Variants in UBFD1 observed in about 807,000 individuals in gnomAD.
UBFD1 encodes ubiquitin domain-containing protein UBFD1.
UBFD1 carries 12 observed loss-of-function variants against 35.1 expected under a neutral mutation model. That is an observed-to-expected ratio of 0.34 (90% CI 0.22 to 0.55). UBFD1 has a LOEUF of 0.55. Among genes scored for constraint, UBFD1 ranks in the 20% least tolerant of loss-of-function variants. The probability of loss-of-function intolerance (pLI) is 0.89; values close to 1 mark genes in which losing one functional copy is unlikely to be tolerated. For missense variants in UBFD1, 337 were observed against 410.8 expected, an observed-to-expected ratio of 0.82 and a Z score of 1.55; for synonymous variants, 178 against 167.6, an observed-to-expected ratio of 1.06 and a Z score of -0.48.
intron 3 of UBFD1, among the ~76,000 whole-genome samples, chr16:23,560,080 G>T (rs553064014): frequency 4.3e-4 from 65 of 152,220 alleles, no homozygotes; most frequent in Non-Finnish European, 6.9e-4. Context: ...GCCTGGCTAG[G>T]CATGGAAATC....
chr16:23,563,135 C>T (rs1555506000), intron 5 of UBFD1, among the ~76,000 whole-genome samples: 1 of 151,564 alleles, frequency 6.6e-6, no homozygotes, highest in Non-Finnish European at 1.5e-5. Flanking sequence ...CCTTTGGGGC[C>T]TGCATTCTCA....
chr16:23,569,068 T>C (rs537456361), intron 6 of UBFD1: 1 of 152,324 alleles, frequency 6.6e-6, no homozygotes, highest in South Asian at 2.1e-4. Context: ...TTCATTTCTC[T>C]CGAGTTATTT....
rs1966070229 is a variant in UBFD1 at position 23,570,623 on chromosome 16, C to T, written c.*33C>T. ...TTCACCTCTGGCCCAGGAGACTGACCCAAAGTGAAGGACATTGCCGGGAGA... is the reference window on the plus strand; with the variant it reads ...TTCACCTCTGGCCCAGGAGACTGACTCAAAGTGAAGGACATTGCCGGGAGA... On this transcript the variant is annotated 3_prime_UTR_variant, in exon 7 of 7. Coordinates refer to ENST00000395878, the MANE Select transcript of UBFD1 (RefSeq NM_019116.3). 6.4e-7 allele frequency: 1 copy of T among 1,568,872 alleles called. No homozygotes were observed. Among genetic ancestry groups the T allele is most frequent in the African/African-American group, 1.4e-5 (1 of 73,940 alleles).
At chr16:23,561,334 T>C (rs1037136073) in intron 3 of UBFD1, among the ~76,000 whole-genome samples, 10 of 152,308 alleles carry the variant, frequency 6.6e-5, no homozygotes, top group South Asian at 2.1e-4. Flanking sequence ...TTGATTAAAT[T>C]GTTACCTTCT....
At chr16:23,559,253 C>T (rs528072356) in intron 2 of UBFD1, 17 of 474,164 alleles carry the variant, frequency 3.6e-5, no homozygotes, top group Middle Eastern at 4.4e-4. Context: ...GTCTCTTAAT[C>T]CTTGAAACAG....
rs532397782 is a variant in UBFD1, at chr16:23,559,968, T to C, written c.564+292T>C. 245 of 1,192,532 alleles carry C rather than the reference T, an allele frequency of 2.1e-4. 2 individuals carry two copies. In the South Asian group the frequency reaches 3.8e-3, roughly 18 times the overall value. The allele number at this position is 1,192,532 out of a possible 1,614,324, so 73.9% of individuals were successfully genotyped here. On this transcript the variant is annotated intron_variant, in intron 3 of 6. Coordinates refer to ENST00000395878, the MANE Select transcript of UBFD1 (RefSeq NM_019116.3). ...GAATCAGACGTGGGTTTCTCTCTCT[T>C]ATTTAGTGCCAGAGAAAACTACCAG... is the stretch of plus-strand genomic sequence containing the variant.
intron 6 of UBFD1, 82 bp from the exon 7 acceptor site, chr16:23,570,398 C>A: frequency 1.0e-6 from 1 of 1,004,996 alleles, no homozygotes; most frequent in Non-Finnish European, 1.6e-6. Context: ...TAACTCACAT[C>A]CCAACCCTCA....
chr16:23,564,481 C>A (rs183510112), intron 5 of UBFD1: 12 of 152,348 alleles, frequency 7.9e-5, no homozygotes, highest in Non-Finnish European at 1.3e-4. Context: ...CTAGATCATT[C>A]TCTTCTGTAG....
In UBFD1 at chr16:23,573,848, T is replaced by C. The variant is rs1019455541; in HGVS notation, c.*3258T>C. 3.3e-5 allele frequency: 5 copies of C among 152,418 alleles called. No individual in the cohort carries two copies. Among genetic ancestry groups the C allele is most frequent in the Admixed American group, 2.6e-4 (4 of 15,276 alleles). The allele number at this position is 152,418 out of a possible 1,614,324, so 9.4% of individuals were successfully genotyped here. A position where few individuals can be genotyped will look rare whatever the true frequency, so the allele number is the denominator to read the frequency against. On this transcript the variant is annotated 3_prime_UTR_variant, in exon 7 of 7. Transcript: ENST00000395878. ...GGGCAGAGAAGGGAAAGGGGGTAGA[T>C]TGAGTGTGCCAAGGGCCGTGCAAGG...
intron 6 of UBFD1, 46 bp downstream of exon 6, chr16:23,567,115 T>A: frequency 3.2e-6 from 5 of 1,562,596 alleles, no homozygotes; most frequent in Non-Finnish European, 4.4e-6. Flanking sequence ...AGACTCCCAC[T>A]TCACCTGGCA....
chr16:23,561,805 T>A (rs557371253), intron 3 of UBFD1: 1 of 161,706 alleles, frequency 6.2e-6, no homozygotes, highest in East Asian at 1.7e-4. Context: ...GTTTGATGGT[T>A]TAATCATTTC....
At chr16:23,565,525 G>A (rs933781573) in intron 5 of UBFD1, 1 of 152,180 alleles carries the variant, frequency 6.6e-6, no homozygotes, top group Admixed American at 6.5e-5. Context: ...ATTTCAGGAT[G>A]AAAGGTGTTT....
chr16:23,564,380 T>G (rs980161129), intron 5 of UBFD1: 3 of 152,240 alleles, frequency 2.0e-5, no homozygotes, highest in African/African-American at 7.2e-5. Flanking sequence ...TTTCTTCATT[T>G]CACATTCAAC....
rs549702924 is a variant in UBFD1, at chr16:23,574,229, C to T, written c.*3639C>T. On this transcript the variant is annotated 3_prime_UTR_variant, in exon 7 of 7. Coordinates refer to ENST00000395878, the MANE Select transcript of UBFD1 (RefSeq NM_019116.3). ...GTTTCCTTGTGGTGTATGCTCTGTTCTGGTTTCTGTTTTCAAATCAAATGC... is the reference window on the plus strand; with the variant it reads ...GTTTCCTTGTGGTGTATGCTCTGTTTTGGTTTCTGTTTTCAAATCAAATGC... 1.3e-5 allele frequency: 2 copies of T among 152,206 alleles called. No homozygotes were observed. The highest frequency in any genetic ancestry group is 4.8e-5 in the African/African-American group (2 of 41,360). The allele number at this position is 152,206 out of a possible 1,614,324, so 9.4% of individuals were successfully genotyped here.
chr16:23,563,625 C>T (rs1428911857), intron 5 of UBFD1, among the ~76,000 whole-genome samples: 1 of 152,200 alleles, frequency 6.6e-6, no homozygotes, highest in Non-Finnish European at 1.5e-5. Context: ...TGCTTTTTAT[C>T]CTGGGTACCC....
chr16:23,559,622 G>A lies in UBFD1; in HGVS notation c.510G>A (p.Ala170=), dbSNP rs747994333. ...CAGTAAACACACCCAAAGATGCTGCGCAGCAGGATGCAAAGGCCGAAGAGA... is the reference window on the plus strand; with the variant it reads ...CAGTAAACACACCCAAAGATGCTGCACAGCAGGATGCAAAGGCCGAAGAGA... ...VLAVNTPKDA[A]QQDAKAEENK... The change falls in exon 3 of 7, where the codon GCG becomes GCA. Residue 170 remains alanine (A), a synonymous_variant. Coordinates refer to ENST00000395878, the MANE Select transcript of UBFD1 (RefSeq NM_019116.3). 11 of 1,614,116 alleles carry A rather than the reference G, an allele frequency of 6.8e-6. No individual in the cohort carries two copies. The highest frequency in any genetic ancestry group is 5.5e-5 in the South Asian group (5 of 91,086).
At chr16:23,563,779 A>T (rs1360014565) in intron 5 of UBFD1, among the ~76,000 whole-genome samples, 1 of 151,970 alleles carries the variant, frequency 6.6e-6, no homozygotes, top group African/African-American at 2.4e-5. Flanking sequence ...TTTTAGCCGC[A>T]TCTCTCTGTG....
At chr16:23,570,357 A>G (rs152457) in intron 6 of UBFD1, 123 bp from the exon 7 acceptor site, 115,640 of 734,560 alleles carry the variant, frequency 0.16, 10,275 homozygotes, top group East Asian at 0.29. Flanking sequence ...CCACGTGCAA[A>G]GTTTTGTTTG....
chr16:23,562,055 T>C (rs1457303027), intron 3 of UBFD1, 151 bp from the exon 4 acceptor site: 10 of 666,570 alleles, frequency 1.5e-5, no homozygotes, highest in Non-Finnish European at 2.6e-5. Flanking sequence ...TGGACAGCAC[T>C]GTGCTATAGT....
Sources: allele counts gnomAD v4.1 joint callset (sites outside exome capture counted in the v4.1 genomes callset), GRCh38; gene constraint gnomAD v4.1.1; transcripts MANE v1.5; gene names NCBI Gene and HGNC (gene_info 2026-07-23, HGNC 2026-07-21).